The following DPYD variants were observed in gnomAD, a reference collection of about 807,000 sequenced individuals.
DPYD encodes the protein dihydropyrimidine dehydrogenase [NADP(+)].
In DPYD, 109 loss-of-function variants were observed where a neutral mutation model predicts 116.2. That is an observed-to-expected ratio of 0.94 (90% CI 0.80 to 1.10). The LOEUF (loss-of-function observed/expected upper bound fraction) is 1.10, where lower values mean the gene tolerates loss of function less well. Among genes scored for constraint, DPYD ranks in the 50% least tolerant of loss-of-function variants. The pLI, the probability that DPYD is intolerant of heterozygous loss-of-function variation, is 0.00. For synonymous variants in DPYD, 440 were observed against 432.0 expected, an observed-to-expected ratio of 1.02 and a Z score of -0.23; for missense variants, 1,302 against 1,254.5, an observed-to-expected ratio of 1.04 and a Z score of -0.57.
At chr1:97,229,583 T>TAC in intron 19 of DPYD, among the ~76,000 whole-genome samples, 1 of 66,336 alleles carries the variant, frequency 1.5e-5, no homozygotes, top group Non-Finnish European at 3.2e-5. Flanking sequence ...TATATATATA[T>TAC]ATATATACTG....
intron 21 of DPYD, among the ~76,000 whole-genome samples, chr1:97,093,986 T>A (rs561311015): frequency 6.6e-6 from 1 of 152,140 alleles, no homozygotes; most frequent in South Asian, 2.1e-4. Context: ...TGCAAGCATA[T>A]GCAAGCCTGG....
chr1:97,761,137 A>G (rs768651833), intron 3 of DPYD, among the ~76,000 whole-genome samples: 7 of 152,088 alleles, frequency 4.6e-5, no homozygotes, highest in Admixed American at 2.0e-4. Flanking sequence ...GGTGGCTTAA[A>G]GTCCATGTTG....
intron 16 of DPYD, among the ~76,000 whole-genome samples, chr1:97,323,417 T>TATATACATATC (rs770681726): frequency 3.4e-4 from 30 of 87,386 alleles, no homozygotes; most frequent in Non-Finnish European, 5.9e-4. Flanking sequence ...TATGTACACG[T>TATATACATATC]ATATATACAT....
chr1:97,438,285 C>T (rs1433605264), intron 14 of DPYD, among the ~76,000 whole-genome samples: 1 of 152,018 alleles, frequency 6.6e-6, no homozygotes, highest in African/African-American at 2.4e-5. Context: ...TGGGATTGCA[C>T]TTTATCCATA....
At chr1:97,641,565 ACT>A (rs974073248) in intron 8 of DPYD, among the ~76,000 whole-genome samples, 2 of 152,060 alleles carry the variant, frequency 1.3e-5, no homozygotes, top group Non-Finnish European at 2.9e-5. Context: ...CATGCTAAAA[ACT>A]CTCAATAACC....
chr1:97,515,854 C>T lies in DPYD; in HGVS notation c.1612G>A (p.Ala538Thr), dbSNP rs1304359186. Residue 538 changes from alanine to threonine, a missense_variant, in exon 13 of 23, where the codon GCC becomes ACC. Coordinates refer to ENST00000370192, the MANE Select transcript of DPYD (RefSeq NM_000110.4). ...IDLVDISVEM[A>T]GLKFINPFGL... ...AAAGGATTTATAAACTTCAATCCGG[C>T]CATTTCTACACTAATGTCCACCAGA... 1.9e-6 allele frequency: 3 copies of T among 1,612,852 alleles called. No homozygotes were observed. Among genetic ancestry groups the T allele is most frequent in the South Asian group, 1.1e-5 (1 of 91,064 alleles).
At chr1:97,292,724 A>G (rs75135772) in intron 18 of DPYD, among the ~76,000 whole-genome samples, 13 of 51,988 alleles carry the variant, frequency 2.5e-4, no homozygotes, top group African/African-American at 5.6e-4. Context: ...ACGCGCGAGC[A>G]CACACACACA....
chr1:97,687,954 AACAC>A (rs896676475), intron 7 of DPYD, among the ~76,000 whole-genome samples: 2 of 152,160 alleles, frequency 1.3e-5, no homozygotes, highest in Non-Finnish European at 2.9e-5. Flanking sequence ...GGAGGGGAAC[AACAC>A]ACACTGGGGC....
At chr1:97,417,451 T>C (rs1166328673) in intron 14 of DPYD, among the ~76,000 whole-genome samples, 1 of 152,200 alleles carries the variant, frequency 6.6e-6, no homozygotes, top group Non-Finnish European at 1.5e-5. Context: ...TGCATTCAAA[T>C]AATCAACCAA....
intron 16 of DPYD, among the ~76,000 whole-genome samples, chr1:97,324,686 T>C (rs906641481): frequency 6.6e-6 from 1 of 152,104 alleles, no homozygotes; most frequent in Admixed American, 6.6e-5. Context: ...AGAATTACAA[T>C]ACATCTCTAT....
chr1:97,223,817 A>G (rs1261190980), intron 19 of DPYD, among the ~76,000 whole-genome samples: 1 of 152,042 alleles, frequency 6.6e-6, no homozygotes, highest in Non-Finnish European at 1.5e-5. Context: ...AAAAAAGCCA[A>G]TGTTAATTTA....
At chr1:97,264,451 G>T (rs1213293223) in intron 18 of DPYD, among the ~76,000 whole-genome samples, 6 of 151,842 alleles carry the variant, frequency 4.0e-5, no homozygotes, top group Non-Finnish European at 8.8e-5. Context: ...CTCCCAAAGT[G>T]TTGGAATTAC....
intron 2 of DPYD, among the ~76,000 whole-genome samples, chr1:97,841,161 G>A (rs970206715): frequency 6.6e-6 from 1 of 152,046 alleles, no homozygotes; most frequent in South Asian, 2.1e-4. Flanking sequence ...ATGCTGCAAT[G>A]AAAATGAAAT....
At chr1:97,688,596 T>A (rs1156742764) in intron 7 of DPYD, among the ~76,000 whole-genome samples, 1 of 152,032 alleles carries the variant, frequency 6.6e-6, no homozygotes, top group African/African-American at 2.4e-5. Context: ...AATAATAAAA[T>A]GCTTAGAAGT....
At chr1:97,846,222 C>G (rs114466273) in intron 2 of DPYD, among the ~76,000 whole-genome samples, 3 of 152,310 alleles carry the variant, frequency 2.0e-5, no homozygotes, top group African/African-American at 7.2e-5. Flanking sequence ...GGTGGCACAA[C>G]CAAGACAGGA....
At chr1:97,336,788 G>C (rs1335651423) in intron 16 of DPYD, among the ~76,000 whole-genome samples, 1 of 152,072 alleles carries the variant, frequency 6.6e-6, no homozygotes, top group Non-Finnish European at 1.5e-5. Context: ...AAAGAGATGT[G>C]AATCAGGAGC....
At chr1:97,642,468 C>T (rs1355738205) in intron 8 of DPYD, among the ~76,000 whole-genome samples, 1 of 151,756 alleles carries the variant, frequency 6.6e-6, no homozygotes, top group Non-Finnish European at 1.5e-5. Context: ...CTTTGACAAA[C>T]CTGACAAAAA....
At chr1:97,828,427 T>G (rs1359380114) in intron 2 of DPYD, among the ~76,000 whole-genome samples, 2 of 152,170 alleles carry the variant, frequency 1.3e-5, no homozygotes, top group African/African-American at 2.4e-5. Flanking sequence ...TTTTTCAAAG[T>G]GGAGTTTCGT....
chr1:97,743,708 C>T (rs1418599161), intron 3 of DPYD, among the ~76,000 whole-genome samples: 1 of 152,058 alleles, frequency 6.6e-6, no homozygotes, highest in South Asian at 2.1e-4. Context: ...CATGAAAAAT[C>T]ACAGACACAG....
Sources: allele counts gnomAD v4.1 joint callset (sites outside exome capture counted in the v4.1 genomes callset), GRCh38; gene constraint gnomAD v4.1.1; transcripts MANE v1.5; gene names NCBI Gene and HGNC (gene_info 2026-07-23, HGNC 2026-07-21).